Variants in TMEM207 observed in about 807,000 individuals in gnomAD.
TMEM207 encodes the protein SRSR846.
Under a neutral mutation model 17.4 loss-of-function variants are expected in TMEM207, and 15 were observed. The ratio of observed to expected loss-of-function variants is 0.86; its 90% CI spans 0.58 to 1.33. The LOEUF is 1.33. Among genes scored for constraint, TMEM207 ranks in the 40% most tolerant of loss-of-function variants. The pLI, the probability that TMEM207 is intolerant of heterozygous loss-of-function variation, is 0.00. For synonymous variants in TMEM207, 70 were observed against 65.6 expected (o/e 1.07, Z -0.33); for missense variants, 205 against 173.8 (o/e 1.18, Z -1.01).
chr3:190,436,027 C>T (rs987316866), intron 4 of TMEM207, among the ~76,000 whole-genome samples: 8 of 152,192 alleles, frequency 5.3e-5, no homozygotes, highest in Non-Finnish European at 7.3e-5. Flanking sequence ...CACAATTTGT[C>T]CACCTCAGTT....
chr3:190,445,312 G>C (rs17446205), intron 2 of TMEM207, among the ~76,000 whole-genome samples: 1 of 152,096 alleles, frequency 6.6e-6, no homozygotes, highest in African/African-American at 2.4e-5. Flanking sequence ...CTATTTATCA[G>C]AAGAGGACTA....
At chr3:190,439,245 A>G (rs1006673351) in intron 4 of TMEM207, among the ~76,000 whole-genome samples, 1 of 151,548 alleles carries the variant, frequency 6.6e-6, no homozygotes, top group African/African-American at 2.4e-5. Flanking sequence ...GTTAAGTAAT[A>G]ACCTTTGAAG....
intron 3 of TMEM207, 129 bp from the exon 4 acceptor site, chr3:190,440,518 C>A: frequency 1.4e-6 from 1 of 720,588 alleles, no homozygotes; most frequent in Non-Finnish European, 2.1e-6. Flanking sequence ...ACACTGAATT[C>A]CTTAAGCAAT....
chr3:190,435,227 TTTCGG>T, intron 4 of TMEM207, among the ~76,000 whole-genome samples: 1 of 152,134 alleles, frequency 6.6e-6, no homozygotes. Flanking sequence ...ACGACCAAGG[TTTCGG>T]CAGGGTAGGT....
At chr3:190,432,698 T>A (rs1003579645) in intron 4 of TMEM207, among the ~76,000 whole-genome samples, 1 of 152,156 alleles carries the variant, frequency 6.6e-6, no homozygotes, top group Non-Finnish European at 1.5e-5. Context: ...ACCCTGCTTC[T>A]TGTTCACCTC....
At chr3:190,440,892 C>A (rs1039185520) in intron 3 of TMEM207, among the ~76,000 whole-genome samples, 9 of 152,152 alleles carry the variant, frequency 5.9e-5, no homozygotes, top group Non-Finnish European at 1.5e-5. Context: ...CACGGTGAAA[C>A]CCCGTCTCTA....
chr3:190,447,139 G>T (rs1720068843), intron 2 of TMEM207, among the ~76,000 whole-genome samples: 1 of 152,040 alleles, frequency 6.6e-6, no homozygotes, highest in South Asian at 2.1e-4. Flanking sequence ...ACTGAAAACA[G>T]CTGCTAACAG....
chr3:190,443,330 T>C (rs1277215050), intron 2 of TMEM207, among the ~76,000 whole-genome samples: 2 of 151,178 alleles, frequency 1.3e-5, no homozygotes, highest in Non-Finnish European at 3.0e-5. Flanking sequence ...TTGTGTTTCT[T>C]AAATCTAATT....
intron 1 of TMEM207, among the ~76,000 whole-genome samples, chr3:190,448,224 A>T (rs113483378): frequency 0.023 from 3,540 of 152,164 alleles, 62 homozygotes; most frequent in South Asian, 0.061. Flanking sequence ...AAAAAAAAAC[A>T]AGTTCCAAGT....
At chr3:190,437,065 T>C (rs764603471) in intron 4 of TMEM207, among the ~76,000 whole-genome samples, 6 of 152,130 alleles carry the variant, frequency 3.9e-5, no homozygotes, top group Admixed American at 1.3e-4. Flanking sequence ...GAATCAATAG[T>C]AGAGAGATTT....
At chr3:190,436,987 C>A (rs1719815498) in intron 4 of TMEM207, among the ~76,000 whole-genome samples, 1 of 152,102 alleles carries the variant, frequency 6.6e-6, no homozygotes, top group African/African-American at 2.4e-5. Context: ...GTGGGTGGAA[C>A]AACCTAACAA....
rs555645388 is a variant in TMEM207, at chr3:190,445,608, C to T, written c.113+2182G>A. The stretch of plus-strand genomic sequence containing the variant: ...TGGTGCGATCTCGGCTCACTGCAAC[C>T]GCCACCTCCCAGGTTCAAGCGATAC... On this transcript the variant is annotated intron_variant, in intron 2 of 4. Coordinates refer to ENST00000354905, the MANE Select transcript of TMEM207 (RefSeq NM_207316.3). Among the ~76,000 whole-genome samples the T allele has an allele frequency of 7.9e-5, 12 of 152,188 alleles. No homozygotes were observed. The South Asian group carries it at 1.9e-3, about 24-fold the overall frequency.
At chr3:190,447,472 C>G (rs557604186) in intron 2 of TMEM207, among the ~76,000 whole-genome samples, 2 of 152,182 alleles carry the variant, frequency 1.3e-5, no homozygotes, top group South Asian at 4.1e-4. Context: ...GTGGATGAAG[C>G]CATAGATGAC....
intron 2 of TMEM207, among the ~76,000 whole-genome samples, chr3:190,446,912 T>C (rs1340074319): frequency 6.6e-6 from 1 of 152,122 alleles, no homozygotes; most frequent in Non-Finnish European, 1.5e-5. Context: ...ACAAACAGCA[T>C]AAGACAGAGT....
chr3:190,433,309 C>T (rs985691416), intron 4 of TMEM207, among the ~76,000 whole-genome samples: 1 of 151,900 alleles, frequency 6.6e-6, no homozygotes, highest in African/African-American at 2.4e-5. Flanking sequence ...TATTGTCATC[C>T]TTATTTTTAG....
At chr3:190,448,026 C>A (rs980499488) in intron 1 of TMEM207, among the ~76,000 whole-genome samples, 199 bp from the exon 2 acceptor site, 1 of 152,088 alleles carries the variant, frequency 6.6e-6, no homozygotes, top group Non-Finnish European at 1.5e-5. Context: ...TCAGCAGTGG[C>A]AGAAGATATA....
intron 2 of TMEM207, among the ~76,000 whole-genome samples, chr3:190,443,051 A>ATATTG (rs1424312953): frequency 6.6e-6 from 1 of 152,154 alleles, no homozygotes; most frequent in African/African-American, 2.4e-5. Flanking sequence ...GAACTTTAAA[A>ATATTG]TATTGTATTA....
intron 3 of TMEM207, among the ~76,000 whole-genome samples, chr3:190,440,592 A>C (rs2108536132): frequency 6.6e-6 from 1 of 152,300 alleles, no homozygotes; most frequent in Admixed American, 6.5e-5. Flanking sequence ...GAAAGGGTTG[A>C]TCTTTCCAGG....
At chr3:190,446,696 C>G (rs1459791082) in intron 2 of TMEM207, among the ~76,000 whole-genome samples, 1 of 152,178 alleles carries the variant, frequency 6.6e-6, no homozygotes, top group Non-Finnish European at 1.5e-5. Flanking sequence ...TCAGCTACCG[C>G]TAAAGTCAGC....
Sources: gnomAD v4.1 joint callset for allele counts (sites outside exome capture counted in the v4.1 genomes callset) on GRCh38, gnomAD v4.1.1 for gene constraint, MANE v1.5 for transcripts, NCBI Gene and HGNC (gene_info 2026-07-23, HGNC 2026-07-21) for gene names.